KANSL1: variants seen among roughly 807,000 people sequenced by gnomAD.
KANSL1 encodes the protein KAT8 regulatory NSL complex subunit 1, also known as MLL1/MLL complex subunit KANSL1.
Under a neutral mutation model 103.6 loss-of-function variants are expected in KANSL1, and 22 were observed. The ratio of observed to expected loss-of-function variants is 0.21; its 90% CI spans 0.15 to 0.30. The LOEUF (loss-of-function observed/expected upper bound fraction) is 0.30. Ranked by LOEUF, KANSL1 falls within the 10% of genes least tolerant of loss-of-function variation. The pLI is 1.00. For synonymous variants in KANSL1, 600 were observed against 527.6 expected, an observed-to-expected ratio of 1.14 and a Z score of -1.88; for missense variants, 1,337 against 1,399.8, an observed-to-expected ratio of 0.96 and a Z score of 0.72.
chr17:46,112,902 GTAGAGACAGGGTTTCTCC>G (rs1033159878), intron 2 of KANSL1, among the ~76,000 whole-genome samples: 18 of 152,020 alleles, frequency 1.2e-4, no homozygotes, highest in Admixed American at 5.2e-4. Context: ...TGTATTTTTG[GTAGAGACAGGGTTTCTCC>G]ATGTTGGTCA....
In KANSL1 at chr17:46,030,135, T is replaced by TTTTTGG. The variant is rs1301554430; in HGVS notation, c.*1340_*1341insCCAAAA. On this transcript the variant is annotated 3_prime_UTR_variant, in exon 15 of 15. Transcript: ENST00000432791. ...CAAAATACAAGGTTTTTTTTTTCCATTTTTTGTTTTTGTTTTTTTTTTCAA... is the reference window on the plus strand; with the variant it reads ...CAAAATACAAGGTTTTTTTTTTCCATTTTTGGTTTTTGTTTTTGTTTTTTTTTTCAA... 1 of 148,306 alleles carries TTTTTGG rather than the reference T, an allele frequency of 6.7e-6. No homozygotes were observed. The highest frequency in any genetic ancestry group is 1.5e-5 in the Non-Finnish European group (1 of 65,376). The allele number at this position is 148,306 out of a possible 1,614,324, so 9.2% of individuals were successfully genotyped here.
chr17:46,103,613 A>AT (rs2042410409), intron 2 of KANSL1, among the ~76,000 whole-genome samples: 1 of 152,204 alleles, frequency 6.6e-6, no homozygotes, highest in Middle Eastern at 3.4e-3. Context: ...GCTCCTCCTC[A>AT]TTTTCTTTCC....
In KANSL1 at chr17:46,171,876, C is replaced by G. The variant is rs573947972; in HGVS notation, c.268G>C (p.Val90Leu). The G allele has an allele frequency of 1.2e-6, 2 of 1,614,146 alleles. No homozygotes were observed. The highest frequency in any genetic ancestry group is 1.7e-6 in the Non-Finnish European group (2 of 1,180,062). The change falls in exon 2 of 15, where the codon GTT becomes CTT. Residue 90 changes from valine (V) to leucine (L), a missense_variant. This residue lies in a region of KANSL1 where 557 missense variants were observed against 476.4 expected (regional missense o/e 1.17). Transcript: ENST00000432791. The stretch of plus-strand genomic sequence containing the variant: ...AACTTCAAAGACTCCTTTGAGGGAA[C>G]AGATGTTACATCAGAGCAGAGATAA... Reference protein sequence around the residue: ...ASYLCSDVTSVPSKESLKLQG... With the variant: ...ASYLCSDVTSLPSKESLKLQG...
intron 1 of KANSL1, among the ~76,000 whole-genome samples, chr17:46,182,729 T>C (rs1267071622): frequency 6.6e-6 from 1 of 152,262 alleles, no homozygotes; most frequent in Non-Finnish European, 1.5e-5. Context: ...CTGTCCTCAT[T>C]TTATAGATGC....
intron 4 of KANSL1, among the ~76,000 whole-genome samples, chr17:46,069,988 T>C (rs1018353129): frequency 2.0e-5 from 3 of 151,978 alleles, no homozygotes; most frequent in African/African-American, 7.3e-5. Context: ...TTACAGTAAA[T>C]CTGGCATAGA....
At chr17:46,136,597 C>CA (rs2044155667) in intron 2 of KANSL1, among the ~76,000 whole-genome samples, 1 of 152,234 alleles carries the variant, frequency 6.6e-6, no homozygotes, top group South Asian at 2.1e-4. Flanking sequence ...AATCCAACCT[C>CA]ATGTCTTCCT....
At chr17:46,077,691 G>A (rs2078833277) in intron 4 of KANSL1, among the ~76,000 whole-genome samples, 1 of 152,136 alleles carries the variant, frequency 6.6e-6, no homozygotes, top group African/African-American at 2.4e-5. Context: ...CCGAGTAGCT[G>A]GGATTACAGG....
At chr17:46,120,671 G>C (rs1040181277) in intron 2 of KANSL1, among the ~76,000 whole-genome samples, 1 of 152,168 alleles carries the variant, frequency 6.6e-6, no homozygotes, top group African/African-American at 2.4e-5. Flanking sequence ...GAACTGAGTA[G>C]ACAGCAGAGT....
intron 2 of KANSL1, among the ~76,000 whole-genome samples, chr17:46,101,439 G>GT (rs1158789184): frequency 1.3e-5 from 2 of 152,262 alleles, no homozygotes; most frequent in Admixed American, 6.5e-5. Flanking sequence ...AACCTAAAAT[G>GT]TATGTATTAG....
chr17:46,149,269 G>A (rs1234061912), intron 2 of KANSL1, among the ~76,000 whole-genome samples: 6 of 152,218 alleles, frequency 3.9e-5, no homozygotes, highest in Admixed American at 1.3e-4. Flanking sequence ...CCAAAGTGCT[G>A]GGATTACAGG....
chr17:46,067,287 G>A (rs1207813153), intron 5 of KANSL1, among the ~76,000 whole-genome samples: 1 of 152,120 alleles, frequency 6.6e-6, no homozygotes, highest in Non-Finnish European at 1.5e-5. Flanking sequence ...AGGAATTCCT[G>A]CAAGATTAAA....
chr17:46,057,845 A>C (rs1370620929), intron 6 of KANSL1, among the ~76,000 whole-genome samples: 2 of 152,258 alleles, frequency 1.3e-5, no homozygotes, highest in African/African-American at 4.8e-5. Flanking sequence ...AATTTGGAAA[A>C]GAAAACAGTG....
intron 1 of KANSL1, among the ~76,000 whole-genome samples, chr17:46,175,097 T>C (rs1252226581): frequency 6.6e-6 from 1 of 152,160 alleles, no homozygotes; most frequent in African/African-American, 2.4e-5. Flanking sequence ...AGCACCCCCC[T>C]CCCTGCCCCA....
At chr17:46,147,652 C>T (rs1033517461) in intron 2 of KANSL1, among the ~76,000 whole-genome samples, 2 of 149,314 alleles carry the variant, frequency 1.3e-5, no homozygotes, top group Non-Finnish European at 3.0e-5. Context: ...TGATAAGATA[C>T]TACATAATCA....
chr17:46,061,854 G>C (rs2078168407), intron 6 of KANSL1, among the ~76,000 whole-genome samples: 1 of 152,148 alleles, frequency 6.6e-6, no homozygotes, highest in Non-Finnish European at 1.5e-5. Context: ...CACTTTGGGA[G>C]GCCAAGGCGG....
In KANSL1 at chr17:46,171,419, AG is replaced by A. The variant is rs2046281945; in HGVS notation, c.724del (p.Leu242PhefsTer37). 1 of 1,613,964 alleles carries A rather than the reference AG, an allele frequency of 6.2e-7. No homozygotes were observed. The highest frequency in any genetic ancestry group is 1.7e-5 in the Admixed American group (1 of 59,994). On this transcript the variant is annotated frameshift_variant, in exon 2 of 15. Transcript: ENST00000432791. LOFTEE classifies it high-confidence loss of function. ...SSVNSMEQPA[L>X]QGSSRLSPGT... ...AGGTGATAATCTACTGCTTCCTTGA[AG>A]TGCCGGCTGTTCCATGGAATTGACA...
intron 2 of KANSL1, among the ~76,000 whole-genome samples, chr17:46,107,905 C>G (rs2042638662): frequency 1.3e-5 from 2 of 152,174 alleles, no homozygotes; most frequent in Non-Finnish European, 1.5e-5. Context: ...CTCATAAACA[C>G]ACTCAATTGG....
intron 2 of KANSL1, among the ~76,000 whole-genome samples, chr17:46,116,090 G>A (rs2043033526): frequency 3.9e-5 from 6 of 152,216 alleles, no homozygotes; most frequent in Admixed American, 3.9e-4. Context: ...CAACTGACCT[G>A]AAAAACTTAC....
chr17:46,143,208 A>G (rs551757968), intron 2 of KANSL1, among the ~76,000 whole-genome samples: 11 of 152,332 alleles, frequency 7.2e-5, no homozygotes, highest in African/African-American at 2.6e-4. Context: ...ATATTTACAT[A>G]TATGTACCCA....
Sources: allele counts gnomAD v4.1 joint callset (sites outside exome capture counted in the v4.1 genomes callset), GRCh38; gene constraint gnomAD v4.1.1; regional missense constraint gnomAD v4.1.1; transcripts MANE v1.5; gene names NCBI Gene and HGNC (gene_info 2026-07-23, HGNC 2026-07-21).